Variants in DNAH5 observed in about 807,000 individuals in gnomAD.
DNAH5 encodes the protein axonemal beta dynein heavy chain 5.
In DNAH5, 372 loss-of-function variants were observed where a neutral mutation model predicts 518.2. The ratio of observed to expected loss-of-function variants is 0.72; its 90% CI spans 0.66 to 0.78. The LOEUF is 0.78. Ranked by LOEUF, DNAH5 falls within the 30% of genes least tolerant of loss-of-function variation. The pLI is 0.00. For missense variants in DNAH5, 5,523 were observed against 5,687.0 expected, an observed-to-expected ratio of 0.97 and a Z score of 0.93; for synonymous variants, 2,039 against 2,025.9, an observed-to-expected ratio of 1.01 and a Z score of -0.17.
intron 55 of DNAH5, among the ~76,000 whole-genome samples, chr5:13,775,989 A>AAAAG (rs1754031655): frequency 6.8e-6 from 1 of 147,086 alleles, no homozygotes; most frequent in African/African-American, 2.5e-5. Context: ...AAAAAAAAAA[A>AAAAG]GCTAAATGTA....
At chr5:13,764,531 C>A (rs1752237785) in intron 59 of DNAH5, among the ~76,000 whole-genome samples, 1 of 152,178 alleles carries the variant, frequency 6.6e-6, no homozygotes, top group African/African-American at 2.4e-5. Context: ...GACACCACTA[C>A]AAACTCATCA....
intron 1 of DNAH5, among the ~76,000 whole-genome samples, chr5:13,938,569 G>A (rs976890633): frequency 9.3e-5 from 14 of 150,726 alleles, no homozygotes; most frequent in South Asian, 2.1e-4. Flanking sequence ...ATATATAAAC[G>A]TACATATATA....
intron 47 of DNAH5, among the ~76,000 whole-genome samples, chr5:13,803,318 A>G (rs1290251301): frequency 6.6e-6 from 1 of 152,244 alleles, no homozygotes; most frequent in Non-Finnish European, 1.5e-5. Context: ...ACATTAGGAA[A>G]GTTTAAAATG....
chr5:13,915,840 G>A (rs1211968389), intron 9 of DNAH5, among the ~76,000 whole-genome samples: 1 of 152,054 alleles, frequency 6.6e-6, no homozygotes, highest in Non-Finnish European at 1.5e-5. Context: ...TAAGGTTTAA[G>A]CATCGTTATG....
chr5:13,811,945 C>A, intron 43 of DNAH5, 122 bp from the exon 44 acceptor site: 1 of 798,144 alleles, frequency 1.3e-6, no homozygotes, highest in Non-Finnish European at 2.1e-6. Flanking sequence ...TTATACCACA[C>A]ACTATGTTCC....
intron 1 of DNAH5, among the ~76,000 whole-genome samples, chr5:13,942,679 A>G (rs190178604): frequency 6.6e-6 from 1 of 151,944 alleles, no homozygotes; most frequent in African/African-American, 2.4e-5. Context: ...TTTCTTCAGC[A>G]AGAATCCTGG....
chr5:13,724,952 G>A (rs1050524847), intron 70 of DNAH5, among the ~76,000 whole-genome samples: 12 of 152,150 alleles, frequency 7.9e-5, no homozygotes, highest in Admixed American at 2.6e-4. Context: ...CCCAGTCTCA[G>A]ATATTTATTT....
At chr5:13,898,765 T>C in intron 15 of DNAH5, 2 of 396,418 alleles carry the variant, frequency 5.0e-6, no homozygotes, top group Non-Finnish European at 8.9e-6. Flanking sequence ...TATTGTCACG[T>C]GATGTTAACC....
At chr5:13,728,489 T>C (rs1050641337) in intron 69 of DNAH5, among the ~76,000 whole-genome samples, 9 of 152,114 alleles carry the variant, frequency 5.9e-5, no homozygotes, top group African/African-American at 9.7e-5. Context: ...CTACTTAATA[T>C]TGAGGGGTTT....
chr5:13,811,454 GA>G, intron 44 of DNAH5, among the ~76,000 whole-genome samples, 192 bp downstream of exon 44: 1 of 152,068 alleles, frequency 6.6e-6, no homozygotes, highest in Non-Finnish European at 1.5e-5. Flanking sequence ...AAAGGGATAT[GA>G]AAAAATAAGT....
rs2151942892 is a variant in DNAH5, at chr5:13,885,968, A to G, written c.2739T>C (p.Ser913=). The change falls in exon 18 of 79, where the codon AGT becomes AGC. Residue 913 remains serine, a synonymous_variant. Transcript: ENST00000265104. ...TTTCATTACCCCATCTCTTACCTGA[A>G]CTTTCATTTTTGTAATTAACACTAT... ...NENSVNYKNE[S]SAKREEGNFD... 1.2e-6 allele frequency: 2 copies of G among 1,612,772 alleles called. No homozygotes were observed. Among genetic ancestry groups the G allele is most frequent in the Non-Finnish European group, 1.7e-6 (2 of 1,179,702 alleles).
In DNAH5 at chr5:13,985,186, C is replaced by A. The variant is rs183424668; in HGVS notation, c.12+26462G>T. On this transcript the variant is annotated intron_variant, in intron 1 of 78. Coordinates refer to the DNAH5 transcript ENST00000681290. ...AGCAAACTATCGCAAGGACAAAAAA[C>A]CAAACATTGCATGTTCTCACTCATA... Among the ~76,000 whole-genome samples the A allele has an allele frequency of 9.3e-5, 14 of 150,294 alleles. No homozygotes were observed. In the South Asian group the frequency reaches 1.7e-3, roughly 18 times the overall value.
rs562680947 is a variant in DNAH5, at chr5:13,916,488, T to A, written c.1090-33A>T. 1.4e-5 allele frequency: 17 copies of A among 1,237,574 alleles called. No homozygotes were observed. In the South Asian group the frequency reaches 1.9e-4, roughly 14 times the overall value. The allele number at this position is 1,237,574 out of a possible 1,614,324, so 76.7% of individuals were successfully genotyped here. On this transcript the variant is annotated intron_variant, in intron 8 of 78. Transcript: ENST00000265104. ...ATATCACCAAAGTTTTCAGAAAAAA[T>A]CATCAAATTCAGCAAAATTCTAATA...
In DNAH5 at chr5:13,882,924, T is replaced by C. The variant is rs367835771; in HGVS notation, c.3154A>G (p.Ser1052Gly). Residue 1052 changes from serine to glycine, a missense_variant, in exon 20 of 79, where the codon AGC becomes GGC. Transcript: ENST00000265104. ...CCCACCTTGGACAACAGTTCACTGC[T>C]CCACTGTCTGACCCCCTTAGGGACA... Reference protein sequence around the residue: ...ISVPKGVRQWSSELLSKKKIQ... With the variant: ...ISVPKGVRQWGSELLSKKKIQ... 6.2e-7 allele frequency: 1 copy of C among 1,614,178 alleles called. No individual in the cohort carries two copies. Among genetic ancestry groups the C allele is most frequent in the East Asian group, 2.2e-5 (1 of 44,882 alleles).
At chr5:13,875,640 G>T (rs1465288309) in intron 22 of DNAH5, among the ~76,000 whole-genome samples, 1 of 152,010 alleles carries the variant, frequency 6.6e-6, no homozygotes, top group African/African-American at 2.4e-5. Context: ...TGAGACACTT[G>T]AAAATATTTC....
rs1056229331 is a variant in DNAH5, at chr5:13,829,722, C to T, written c.6250-18G>A. 9 of 1,609,286 alleles carry T rather than the reference C, an allele frequency of 5.6e-6. No homozygotes were observed. Among genetic ancestry groups the T allele is most frequent in the Non-Finnish European group, 6.8e-6 (8 of 1,175,752 alleles). ...CCAGGATTCTAAACAGAAAATAAAGCCCAAGGATGAATGATGCAATCAAGC... is the reference window on the plus strand; with the variant it reads ...CCAGGATTCTAAACAGAAAATAAAGTCCAAGGATGAATGATGCAATCAAGC... On this transcript the variant is annotated intron_variant, in intron 37 of 78. Transcript: ENST00000265104.
rs1353261314 is a variant in DNAH5 at position 13,762,616 on chromosome 5, T to C, written c.10281+106A>G. 21 of 982,354 alleles carry C rather than the reference T, an allele frequency of 2.1e-5. No homozygotes were observed. The Admixed American group carries it at 3.9e-4, about 18-fold the overall frequency. 60.9% of individuals were successfully genotyped at this position (982,354 alleles called of 1,614,324 possible). On this transcript the variant is annotated intron_variant, in intron 60 of 78. Transcript: ENST00000265104. ...CTCACTCTCCCCATGGACCTGAGTA[T>C]CCTAACACCAGAAGCCACAGGCACA... is the stretch of plus-strand genomic sequence containing the variant.
chr5:13,841,609 AT>A, intron 33 of DNAH5, 82 bp downstream of exon 33: 1 of 1,107,470 alleles, frequency 9.0e-7, no homozygotes, highest in South Asian at 1.3e-5. Context: ...AATTATAGCC[AT>A]TTTTGAAGCT....
chr5:13,797,693 C>A (rs1758040869), intron 47 of DNAH5, among the ~76,000 whole-genome samples: 1 of 152,170 alleles, frequency 6.6e-6, no homozygotes, highest in Non-Finnish European at 1.5e-5. Context: ...ACCCAGCAAT[C>A]CCATTACTGG....
Sources: allele counts gnomAD v4.1 joint callset (sites outside exome capture counted in the v4.1 genomes callset), GRCh38; gene constraint gnomAD v4.1.1; transcripts MANE v1.5; gene names NCBI Gene and HGNC (gene_info 2026-07-23, HGNC 2026-07-21).